Variants in SCLT1 observed in about 807,000 individuals in gnomAD.
SCLT1 encodes sodium channel-associated protein 1.
Under a neutral mutation model 112.8 loss-of-function variants are expected in SCLT1, and 78 were observed. The ratio of observed to expected loss-of-function variants is 0.69; its 90% CI spans 0.58 to 0.83. The LOEUF (loss-of-function observed/expected upper bound fraction) is 0.83, where lower values mean the gene tolerates loss of function less well. Ranked by LOEUF, SCLT1 falls within the 40% of genes least tolerant of loss-of-function variation. The pLI is 0.00. For missense variants in SCLT1, 747 were observed against 770.4 expected, an observed-to-expected ratio of 0.97 and a Z score of 0.36; for synonymous variants, 257 against 254.7, an observed-to-expected ratio of 1.01 and a Z score of -0.09.
At chr4:128,940,655 A>G (rs1023816890) in intron 17 of SCLT1, among the ~76,000 whole-genome samples, 2 of 152,014 alleles carry the variant, frequency 1.3e-5, no homozygotes, top group South Asian at 2.1e-4. Context: ...TTTATACACT[A>G]TAGTAACAAT....
intron 6 of SCLT1, among the ~76,000 whole-genome samples, chr4:129,002,692 A>T (rs1560949938): frequency 6.6e-6 from 1 of 152,128 alleles, no homozygotes; most frequent in Non-Finnish European, 1.5e-5. Context: ...AAAGCTCATT[A>T]TTACTGGTCA....
downstream of SCLT1, among the ~76,000 whole-genome samples, chr4:128,882,123 G>C (rs1446882728): frequency 1.3e-5 from 2 of 152,140 alleles, no homozygotes; most frequent in African/African-American, 4.8e-5. Flanking sequence ...TTGCTAGAGT[G>C]TTAGTTTCTG....
intron 17 of SCLT1, 27 bp downstream of exon 17, chr4:128,942,969 C>A: frequency 6.6e-7 from 1 of 1,510,690 alleles, no homozygotes. Flanking sequence ...TTCATAAGTA[C>A]ACATTTAACT....
intron 2 of SCLT1, among the ~76,000 whole-genome samples, chr4:129,065,393 T>C (rs2125741051): frequency 6.6e-6 from 1 of 152,178 alleles, no homozygotes; most frequent in East Asian, 1.9e-4. Flanking sequence ...ATGTTTAATT[T>C]ATTCACATTT....
intron 9 of SCLT1, among the ~76,000 whole-genome samples, chr4:128,985,154 C>T (rs1231898663): frequency 6.6e-6 from 1 of 152,008 alleles, no homozygotes; most frequent in African/African-American, 2.4e-5. Flanking sequence ...TCTCTACTTC[C>T]ACAAATAGCC....
intron 2 of SCLT1, among the ~76,000 whole-genome samples, chr4:129,045,564 A>C (rs756036795): frequency 6.6e-6 from 1 of 152,086 alleles, no homozygotes; most frequent in Non-Finnish European, 1.5e-5. Flanking sequence ...TAAGTAGTTC[A>C]AGAAATTAAT....
chr4:129,077,994 G>A (rs187236143), intron 2 of SCLT1, among the ~76,000 whole-genome samples: 14 of 152,232 alleles, frequency 9.2e-5, no homozygotes, highest in Non-Finnish European at 1.3e-4. Flanking sequence ...CATGGGGATG[G>A]GAGTCTGGAA....
At chr4:129,038,545 C>A (rs551982087) in intron 5 of SCLT1, among the ~76,000 whole-genome samples, 16 of 152,044 alleles carry the variant, frequency 1.1e-4, no homozygotes, top group Middle Eastern at 3.4e-3. Context: ...GAATGATAAA[C>A]ACAAAATTCA....
downstream of SCLT1, among the ~76,000 whole-genome samples, chr4:128,880,064 T>C (rs1173308971): frequency 6.6e-6 from 1 of 152,210 alleles, no homozygotes; most frequent in Non-Finnish European, 1.5e-5. Flanking sequence ...GCTAACTTAC[T>C]TTTCATTTTG....
chr4:129,081,946 T>C (rs780042138), intron 2 of SCLT1, among the ~76,000 whole-genome samples: 2 of 152,166 alleles, frequency 1.3e-5, no homozygotes, highest in Admixed American at 6.5e-5. Context: ...GGAAAAAAGA[T>C]ATTTTTAAAA....
At chr4:128,876,463 C>CA (rs1365511344) in intron 4 of SCLT1, 1 of 152,180 alleles carries the variant, frequency 6.6e-6, no homozygotes, top group African/African-American at 2.4e-5. Context: ...ACCAGGGACT[C>CA]ACGTTCATGT....
At chr4:129,030,308 A>G (rs933015124) in intron 5 of SCLT1, among the ~76,000 whole-genome samples, 5 of 152,212 alleles carry the variant, frequency 3.3e-5, no homozygotes, top group Non-Finnish European at 7.3e-5. Flanking sequence ...ACACAGCTAA[A>G]GCAGTGTTAA....
At chr4:129,081,552 G>A (rs1196133260) in intron 2 of SCLT1, among the ~76,000 whole-genome samples, 1 of 152,176 alleles carries the variant, frequency 6.6e-6, no homozygotes, top group African/African-American at 2.4e-5. Context: ...GGCCAGAGCA[G>A]GAGGAAGAGA....
At position 128,959,738 on chromosome 4, in the gene SCLT1, G is replaced by T; in HGVS notation, c.909C>A (p.Thr303=). 6.2e-7 allele frequency: 1 copy of T among 1,613,070 alleles called. No homozygotes were observed. Among genetic ancestry groups the T allele is most frequent in the Non-Finnish European group, 8.5e-7 (1 of 1,179,528 alleles). Residue 303 remains threonine (T), a synonymous_variant, in exon 12 of 21, where the codon ACC becomes ACA. Coordinates refer to ENST00000281142, the MANE Select transcript of SCLT1 (RefSeq NM_144643.4). Reference sequence around the variant, plus strand: ...TCTGTTTTTCCAGATGTGTATTTTCGGTTCTTAATTGGTTGGCTTCTTGGA... The same window carrying T: ...TCTGTTTTTCCAGATGTGTATTTTCTGTTCTTAATTGGTTGGCTTCTTGGA... ...VTIQEANQLR[T]ENTHLEKQTR...
rs183155405 is a variant in SCLT1 at position 129,001,512 on chromosome 4, T to C, written c.427-1718A>G. Among the ~76,000 whole-genome samples, 314 of 152,216 alleles carry C rather than the reference T, an allele frequency of 2.1e-3. 3 individuals carry two copies. The highest frequency in any genetic ancestry group is 0.01 in the Middle Eastern group (3 of 294). ...TCAAATGTTTCATTACGATAAATAT[T>C]ATAATGAATATATTTATTCAAAAAT... On this transcript the variant is annotated intron_variant, in intron 6 of 20. Coordinates refer to ENST00000281142, the MANE Select transcript of SCLT1 (RefSeq NM_144643.4).
intron 18 of SCLT1, among the ~76,000 whole-genome samples, chr4:128,931,550 C>G (rs1039543057): frequency 6.6e-6 from 1 of 152,160 alleles, no homozygotes; most frequent in African/African-American, 2.4e-5. Flanking sequence ...GCAAGCTCCA[C>G]CTCCCGGGTT....
intron 18 of SCLT1, among the ~76,000 whole-genome samples, chr4:128,892,105 A>G (rs2125924803): frequency 6.6e-6 from 1 of 152,304 alleles, no homozygotes; most frequent in African/African-American, 2.4e-5. Flanking sequence ...ACTCATTCAT[A>G]TCATTTATGC....
At chr4:128,952,706 T>C (rs1738860644) in intron 14 of SCLT1, 63 bp downstream of exon 14, 1 of 901,788 alleles carries the variant, frequency 1.1e-6, no homozygotes, top group Admixed American at 1.8e-5. Flanking sequence ...TCCCCAATAG[T>C]ATATATCTTG....
chr4:128,925,852 T>G (rs1235533754), intron 18 of SCLT1, among the ~76,000 whole-genome samples: 1 of 152,034 alleles, frequency 6.6e-6, no homozygotes, highest in Non-Finnish European at 1.5e-5. Flanking sequence ...TAATCCCATT[T>G]TGTGAGTTTT....
Sources: gnomAD v4.1 joint callset for allele counts (sites outside exome capture counted in the v4.1 genomes callset) on GRCh38, gnomAD v4.1.1 for gene constraint, MANE v1.5 for transcripts, NCBI Gene and HGNC (gene_info 2026-07-23, HGNC 2026-07-21) for gene names.